The following CEP104 variants were observed in gnomAD, a reference collection of about 807,000 sequenced individuals.
CEP104 encodes the protein centrosomal protein of 104 kDa.
A neutral mutation model predicts 113.3 loss-of-function variants in CEP104; 84 were observed. The observed-to-expected ratio is 0.74, with a 90% confidence interval of 0.62 to 0.89. The LOEUF is 0.89. CEP104 is among the 40% of genes least tolerant of loss of function. The probability of loss-of-function intolerance (pLI) is 0.00; values close to 1 mark genes in which losing one functional copy is unlikely to be tolerated. For synonymous variants in CEP104, 378 were observed against 421.7 expected (o/e 0.90, Z 1.27); for missense variants, 1,053 against 1,156.6 (o/e 0.91, Z 1.30).
At chr1:3,816,397 T>C (rs1557655323) in intron 20 of CEP104, 27 bp from the exon 21 acceptor site, 1 of 1,536,564 alleles carries the variant, frequency 6.5e-7, no homozygotes. Flanking sequence ...ACACAGAGTG[T>C]TAATCAGGCG....
chr1:3,844,908 T>G lies in CEP104; in HGVS notation c.565A>C (p.Arg189=), dbSNP rs544851318. 1.9e-6 allele frequency: 3 copies of G among 1,612,838 alleles called. No homozygotes were observed. The highest frequency in any genetic ancestry group is 2.7e-5 in the African/African-American group (2 of 74,998). ...EDPALEGTYA[R]KSDYISPLDD... Reference sequence around the variant, plus strand: ...ATTGATGGGGAGCAGGACTCTTACCTGGCGTACGTTCCTTCTAGAGCAGGG... The same window carrying G: ...ATTGATGGGGAGCAGGACTCTTACCGGGCGTACGTTCCTTCTAGAGCAGGG... Residue 189 remains arginine (R), a splice_region_variant and synonymous_variant, in exon 6 of 22, where the codon AGG becomes CGG. Coordinates refer to ENST00000378230, the MANE Select transcript of CEP104 (RefSeq NM_014704.4).
At chr1:3,845,389 T>A in intron 4 of CEP104, 38 bp from the exon 5 acceptor site, 2 of 1,392,492 alleles carry the variant, frequency 1.4e-6, no homozygotes, top group Non-Finnish European at 2.0e-6. Flanking sequence ...AAATATACAA[T>A]GTTTGAAATG....
intron 2 of CEP104, among the ~76,000 whole-genome samples, chr1:3,849,439 C>T (rs953484275): frequency 9.2e-5 from 14 of 152,106 alleles, no homozygotes; most frequent in South Asian, 4.1e-4. Flanking sequence ...AAATTTTGCC[C>T]AGGCTGGTCT....
rs541782157 is a variant in CEP104 at position 3,847,206 on chromosome 1, G to A, written c.426+269C>T. On this transcript the variant is annotated intron_variant, in intron 4 of 21. Coordinates refer to ENST00000378230, the MANE Select transcript of CEP104 (RefSeq NM_014704.4). ...TAAAAGTTCTCATGAACTCTTTCGCGTTCTCCTTTTGTACTGAGTCTCTGA... is the reference window on the plus strand; with the variant it reads ...TAAAAGTTCTCATGAACTCTTTCGCATTCTCCTTTTGTACTGAGTCTCTGA... 5.3e-5 allele frequency among the ~76,000 whole-genome samples: 8 copies of A among 152,274 alleles called. No individual in the cohort carries two copies. In the South Asian group the frequency reaches 8.3e-4, roughly 16 times the overall value.
Position 3,826,358 on chromosome 1 carries a change from A to G in CEP104, c.2255+12T>C, listed in dbSNP as rs1207934012. ...GACCATCGTACAATGGGTGGAAGACAGCGCGACTTACTTATCTAGATAGTG... is the reference window on the plus strand; with the variant it reads ...GACCATCGTACAATGGGTGGAAGACGGCGCGACTTACTTATCTAGATAGTG... On this transcript the variant is annotated intron_variant, in intron 17 of 21. Coordinates refer to ENST00000378230, the MANE Select transcript of CEP104 (RefSeq NM_014704.4). 6.2e-7 allele frequency: 1 copy of G among 1,612,808 alleles called. No individual in the cohort carries two copies. The highest frequency in any genetic ancestry group is 8.5e-7 in the Non-Finnish European group (1 of 1,179,008).
At chr1:3,837,149 C>A in intron 9 of CEP104, 143 bp downstream of exon 9, 1 of 655,652 alleles carries the variant, frequency 1.5e-6, no homozygotes, top group East Asian at 2.7e-5. Context: ...TCACTCAGCA[C>A]TATGGCTCCT....
At position 3,838,954 on chromosome 1, in the gene CEP104, C is replaced by T. The variant is rs760307107; in HGVS notation, c.891+10G>A. The T allele has an allele frequency of 6.2e-7, 1 of 1,614,008 alleles. No homozygotes were observed. The highest frequency in any genetic ancestry group is 1.7e-5 in the Admixed American group (1 of 60,020). Reference sequence around the variant, plus strand: ...GCTTTCCTCCACTCCGTCTGGGCTCCTGCACCCACCAGCTCGGCATCCAGG... The same window carrying T: ...GCTTTCCTCCACTCCGTCTGGGCTCTTGCACCCACCAGCTCGGCATCCAGG... On this transcript the variant is annotated intron_variant, in intron 8 of 21. Transcript: ENST00000378230.
intron 10 of CEP104, 101 bp downstream of exon 10, chr1:3,836,394 G>T: frequency 8.4e-7 from 1 of 1,196,162 alleles, no homozygotes. Context: ...AAAGCCGTGG[G>T]CGTTTTCCCT....
At chr1:3,836,425 G>A (rs909211126) in intron 10 of CEP104, 70 bp downstream of exon 10, 1 of 1,478,764 alleles carries the variant, frequency 6.8e-7, no homozygotes, top group Non-Finnish European at 9.1e-7. Flanking sequence ...TAAGTACACA[G>A]AGGTGTGCGT....
Position 3,823,005 on chromosome 1 carries a change from A to G in CEP104, c.2571+169T>C. On this transcript the variant is annotated intron_variant, in intron 20 of 21. Coordinates refer to ENST00000378230, the MANE Select transcript of CEP104 (RefSeq NM_014704.4). This position sits in a 1 kb window ranked among gnomAD's most constrained non-coding sequence, Gnocchi z 4.1. ...AAGGAAATCATGTGAACACGTAGGT[A>G]AACGGAACGACTGCTCAGACAGGGC... is the stretch of plus-strand genomic sequence containing the variant. 1.5e-6 allele frequency: 1 copy of G among 657,122 alleles called. No homozygotes were observed. The highest frequency in any genetic ancestry group is 1.9e-5 in the South Asian group (1 of 53,046). The allele number at this position is 657,122 out of a possible 1,614,324, so 40.7% of individuals were successfully genotyped here.
In CEP104 at chr1:3,823,148, TG is replaced by T. The variant is rs760015783; in HGVS notation, c.2571+25del. On this transcript the variant is annotated intron_variant, in intron 20 of 21. Coordinates refer to ENST00000378230, the MANE Select transcript of CEP104 (RefSeq NM_014704.4). The surrounding 1 kb of genome is among the most constrained non-coding windows in gnomAD (Gnocchi z 4.1). ...TCCACAGGTGTGTCACCTACTTCAC[TG>T]GTCCCTTCTCCCCAGGCCCCTCACC... The T allele has an allele frequency of 1.4e-5, 22 of 1,611,198 alleles. No individual in the cohort carries two copies. The African/African-American group carries it at 2.4e-4, about 18-fold the overall frequency.
intron 18 of CEP104, 64 bp downstream of exon 18, chr1:3,825,694 G>A (rs918280418): frequency 7.0e-5 from 74 of 1,055,980 alleles, no homozygotes; most frequent in Non-Finnish European, 9.4e-5. Context: ...TTTTTGACTC[G>A]GCCTTTCAAC....
chr1:3,818,819 T>C (rs1214304531), intron 20 of CEP104, among the ~76,000 whole-genome samples: 1 of 152,260 alleles, frequency 6.6e-6, no homozygotes, highest in Non-Finnish European at 1.5e-5. Flanking sequence ...CTTTTCATTT[T>C]ACAAAACCCA....
chr1:3,834,374 C>T (rs1197115912), intron 11 of CEP104, among the ~76,000 whole-genome samples: 1 of 148,494 alleles, frequency 6.7e-6, no homozygotes, highest in African/African-American at 2.5e-5. Context: ...CCCTTCATAC[C>T]GAGTATCTAA....
At chr1:3,833,045 C>T (rs1028613685) in intron 12 of CEP104, among the ~76,000 whole-genome samples, 1 of 146,678 alleles carries the variant, frequency 6.8e-6, no homozygotes, top group Non-Finnish European at 1.5e-5. Context: ...AGTGCAGTGG[C>T]GTGATCTCGG....
intron 10 of CEP104, among the ~76,000 whole-genome samples, chr1:3,836,242 C>T (rs1490144945): frequency 2.0e-5 from 3 of 149,472 alleles, no homozygotes. Context: ...GGAGGCGGAG[C>T]TTGCAGTGAG....
chr1:3,815,385 G>C lies in CEP104; in HGVS notation c.*17C>G, dbSNP rs746218491. On this transcript the variant is annotated 3_prime_UTR_variant, in exon 22 of 22. Coordinates refer to ENST00000378230, the MANE Select transcript of CEP104 (RefSeq NM_014704.4). ...CCGCTCCATCCCTCACAGAGACCAA[G>C]GAGCCCGAGCGCCGCGTCAGCGCTT... The C allele has an allele frequency of 5.1e-6, 8 of 1,575,764 alleles. No homozygotes were observed. In the South Asian group the frequency reaches 7.9e-5, roughly 16 times the overall value.
intron 2 of CEP104, 105 bp downstream of exon 2, chr1:3,852,190 C>A (rs915638665): frequency 9.1e-7 from 1 of 1,093,186 alleles, no homozygotes; most frequent in Non-Finnish European, 1.3e-6. Flanking sequence ...TCCTGATGTC[C>A]GAGTGATAGT....
At chr1:3,836,867 G>T in intron 9 of CEP104, 175 bp from the exon 10 acceptor site, 1 of 604,828 alleles carries the variant, frequency 1.7e-6, no homozygotes, top group Non-Finnish European at 2.9e-6. Flanking sequence ...GGATGTAATT[G>T]AAAAGATTAG....
Sources: gnomAD v4.1 joint callset for allele counts (sites outside exome capture counted in the v4.1 genomes callset) on GRCh38, gnomAD v4.1.1 for gene constraint, Gnocchi (gnomAD v3.1) non-coding constraint, MANE v1.5 for transcripts, NCBI Gene and HGNC (gene_info 2026-07-23, HGNC 2026-07-21) for gene names.